CLIP4: variants seen among roughly 807,000 people sequenced by gnomAD.
The protein encoded by CLIP4 is CAP-Gly domain containing linker protein family member 4, also known as CAP-Gly domain-containing linker protein 4.
Under a neutral mutation model 73.1 loss-of-function variants are expected in CLIP4, and 47 were observed. The observed-to-expected ratio is 0.64, with a 90% CI of 0.51 to 0.82. The LOEUF (loss-of-function observed/expected upper bound fraction) is 0.82. Among genes scored for constraint, CLIP4 ranks in the 40% least tolerant of loss-of-function variants. The pLI is 0.00. For missense variants in CLIP4, 874 were observed against 852.9 expected (o/e 1.02, Z -0.31); for synonymous variants, 306 against 295.4 (o/e 1.04, Z -0.37).
chr2:29,112,189 G>A (rs189050144), upstream of CLIP4, among the ~76,000 whole-genome samples: 495 of 152,192 alleles, frequency 3.3e-3, 2 homozygotes, highest in African/African-American at 0.011. Flanking sequence ...ATAATATCTG[G>A]CATGGCAGGT....
Position 29,140,908 on chromosome 2 carries a change from A to C in CLIP4, c.649-2801A>C, listed in dbSNP as rs541427004. Among the ~76,000 whole-genome samples, 86 of 152,064 alleles carry C rather than the reference A, an allele frequency of 5.7e-4. 1 individual carries two copies. In the South Asian group the frequency reaches 7.7e-3, roughly 14 times the overall value. On this transcript the variant is annotated intron_variant, in intron 6 of 15. Transcript: ENST00000320081. ...GAGGAGTGTCTGTTCTTATTTTTCT[A>C]GTTCCCTTAGGTGCAATGTTAGGTT...
intron 1 of CLIP4, among the ~76,000 whole-genome samples, chr2:29,109,211 C>T (rs1170939722): frequency 1.3e-5 from 2 of 152,024 alleles, no homozygotes; most frequent in Non-Finnish European, 2.9e-5. Flanking sequence ...TTTTTGTGTG[C>T]CAAAGATGCT....
At position 29,131,350 on chromosome 2, in the gene CLIP4, C is replaced by T; in HGVS notation, c.226C>T (p.Gln76Ter). ...TTCAGAATTATTTGCCATTTTGAGACAGTGGGTTCCTCAGGTCCAACAAAA... is the reference window on the plus strand; with the variant it reads ...TTCAGAATTATTTGCCATTTTGAGATAGTGGGTTCCTCAGGTCCAACAAAA... ...SVSELFAILR[Q>*]WVPQVQQNID... The change falls in exon 3 of 16, where the codon CAG (glutamine) becomes TAG (stop). Residue 76 changes from glutamine (Q) to a stop codon, truncating the protein, a stop_gained. Transcript: ENST00000320081. LOFTEE classifies it high-confidence loss of function. The T allele has an allele frequency of 6.2e-7, 1 of 1,609,436 alleles. No individual in the cohort carries two copies. The highest frequency in any genetic ancestry group is 8.5e-7 in the Non-Finnish European group (1 of 1,178,328).
At chr2:29,170,335 G>A (rs1448949730) in intron 14 of CLIP4, among the ~76,000 whole-genome samples, 1 of 152,128 alleles carries the variant, frequency 6.6e-6, no homozygotes, top group Non-Finnish European at 1.5e-5. Flanking sequence ...ACTCCATCCT[G>A]TTTTTCCATG....
upstream of CLIP4, among the ~76,000 whole-genome samples, chr2:29,113,553 A>G (rs894779392): frequency 6.6e-6 from 1 of 152,218 alleles, no homozygotes; most frequent in Non-Finnish European, 1.5e-5. This position sits in a 1 kb window ranked among gnomAD's most constrained non-coding sequence, Gnocchi z 4.0. Context: ...AACAAAGGCA[A>G]CTAAGTGAGT....
At chr2:29,177,882 A>G (rs541936591) in intron 15 of CLIP4, among the ~76,000 whole-genome samples, 1 of 152,334 alleles carries the variant, frequency 6.6e-6, no homozygotes, top group East Asian at 1.9e-4. Flanking sequence ...CAAACATACC[A>G]TAATTCTAAG....
chr2:29,123,986 A>C (rs1397409303), intron 2 of CLIP4, among the ~76,000 whole-genome samples: 1 of 152,228 alleles, frequency 6.6e-6, no homozygotes, highest in East Asian at 1.9e-4. Context: ...TATAAATACC[A>C]AAATACCTTA....
At chr2:29,132,903 A>T (rs2147954135) in intron 4 of CLIP4, among the ~76,000 whole-genome samples, 1 of 152,284 alleles carries the variant, frequency 6.6e-6, no homozygotes, top group East Asian at 1.9e-4. Context: ...ATGGCATAAA[A>T]CTGGCCAGGC....
chr2:29,132,071 A>G (rs1665007979), intron 3 of CLIP4, 81 bp from the exon 4 acceptor site: 1 of 945,364 alleles, frequency 1.1e-6, no homozygotes, highest in East Asian at 2.4e-5. Context: ...CGATAGACTA[A>G]CTTGGTTCCT....
chr2:29,174,648 CTA>C (rs1668218562), intron 15 of CLIP4: 1 of 1,313,752 alleles, frequency 7.6e-7, no homozygotes, highest in Non-Finnish European at 9.7e-7. Context: ...GTGACTAAAA[CTA>C]GTGCACTGCA....
chr2:29,171,646 G>A (rs563606775), intron 14 of CLIP4, among the ~76,000 whole-genome samples: 2 of 151,794 alleles, frequency 1.3e-5, no homozygotes, highest in African/African-American at 4.8e-5. Flanking sequence ...AGCCTCCCGA[G>A]TAGCTGGGAC....
rs1668648683 is a variant in CLIP4 at position 29,181,606 on chromosome 2, A to AC, written c.1836dup (p.Thr613HisfsTer6). Reference sequence around the variant, plus strand: ...TGCTTTGCGTCGCAGTTGGAGCAGCACCCCCACCGCAGGTGGCATTGAAGG... The same window carrying AC: ...TGCTTTGCGTCGCAGTTGGAGCAGCACCCCCCACCGCAGGTGGCATTGAAGG... On this transcript the variant is annotated frameshift_variant, in exon 16 of 16. Transcript: ENST00000320081. LOFTEE classifies it high-confidence loss of function. The AC allele has an allele frequency of 6.2e-7, 1 of 1,612,316 alleles. No individual in the cohort carries two copies.
In CLIP4 at chr2:29,166,004, A is replaced by T. The variant is rs575147832; in HGVS notation, c.1659-1472A>T. ...AAAAAAAAAATAGGGCTGTCTCTAA[A>T]TGAACTGCTATCTCAATCCAGCTGT... On this transcript the variant is annotated intron_variant, in intron 13 of 15. Transcript: ENST00000320081. Among the ~76,000 whole-genome samples, 22 of 152,006 alleles carry T rather than the reference A, an allele frequency of 1.4e-4. No homozygotes were observed. The South Asian group carries it at 4.1e-3, about 29-fold the overall frequency.
chr2:29,141,860 C>T (rs1001990811), intron 6 of CLIP4, among the ~76,000 whole-genome samples: 1 of 152,042 alleles, frequency 6.6e-6, no homozygotes, highest in African/African-American at 2.4e-5. Flanking sequence ...TTCATGTTAG[C>T]TAGTTGCTTT....
chr2:29,170,896 A>C (rs975353694), intron 14 of CLIP4, among the ~76,000 whole-genome samples: 25 of 151,936 alleles, frequency 1.6e-4, no homozygotes, highest in Non-Finnish European at 7.4e-5. Flanking sequence ...TTTTTCAAAG[A>C]TCAGTTGACT....
chr2:29,119,060 T>C (rs1347462692), intron 1 of CLIP4, among the ~76,000 whole-genome samples: 1 of 152,118 alleles, frequency 6.6e-6, no homozygotes, highest in Non-Finnish European at 1.5e-5. Flanking sequence ...GGACAAAAGG[T>C]AGAATGTTAA....
Position 29,142,664 on chromosome 2 carries a change from G to A in CLIP4, c.649-1045G>A, listed in dbSNP as rs149988109. ...CTTGAATTTTAAAACAAAAAAATGC[G>A]AAGCAATTGCAAACTAAGTGTGTTC... is the stretch of plus-strand genomic sequence containing the variant. On this transcript the variant is annotated intron_variant, in intron 6 of 15. Transcript: ENST00000320081. 5.2e-3 allele frequency among the ~76,000 whole-genome samples: 797 copies of A among 152,226 alleles called. 8 individuals carry two copies. Among genetic ancestry groups the A allele is most frequent in the African/African-American group, 0.018 (752 of 41,524 alleles).
chr2:29,157,330 C>T lies in CLIP4; in HGVS notation c.1382C>T (p.Ser461Leu). The T allele has an allele frequency of 6.2e-7, 1 of 1,614,076 alleles. No homozygotes were observed. Among genetic ancestry groups the T allele is most frequent in the Non-Finnish European group, 8.5e-7 (1 of 1,179,940 alleles). Residue 461 changes from serine to leucine, a missense_variant, in exon 11 of 16, where the codon TCA (serine) becomes TTA (leucine). Ser to Leu is a moderately radical substitution (Grantham distance 145, BLOSUM62 -2). Coordinates refer to ENST00000320081, the MANE Select transcript of CLIP4 (RefSeq NM_024692.6). ...KKTMSKSPSLSSRASAGLNSS... is the reference protein window; with the variant it reads ...KKTMSKSPSLLSRASAGLNSS... The stretch of plus-strand genomic sequence containing the variant: ...ACAATGAGCAAAAGCCCTTCCCTTT[C>T]ATCCAGAGCCAGTGCTGGTATCTAT...
intron 9 of CLIP4, among the ~76,000 whole-genome samples, 172 bp from the exon 10 acceptor site, chr2:29,156,182 G>A (rs891919814): frequency 6.6e-6 from 1 of 152,118 alleles, no homozygotes; most frequent in African/African-American, 2.4e-5. Flanking sequence ...TCTCCTTCTC[G>A]TATGCTAGTG....
Sources: allele counts gnomAD v4.1 joint callset (sites outside exome capture counted in the v4.1 genomes callset), GRCh38; gene constraint gnomAD v4.1.1; non-coding constraint Gnocchi (gnomAD v3.1); transcripts MANE v1.5; gene names NCBI Gene and HGNC (gene_info 2026-07-23, HGNC 2026-07-21).